The following DAB2 variants were observed in gnomAD, a reference collection of about 807,000 sequenced individuals.
DAB2 encodes disabled homolog 2.
DAB2 carries 28 observed loss-of-function variants against 71.6 expected under a neutral mutation model. The ratio of observed to expected loss-of-function variants is 0.39; its 90% confidence interval spans 0.29 to 0.54. The LOEUF is 0.54. Among genes scored for constraint, DAB2 ranks in the 20% least tolerant of loss-of-function variants. The probability of loss-of-function intolerance (pLI) is 0.68; values close to 1 mark genes in which losing one functional copy is unlikely to be tolerated. For missense variants in DAB2, 867 were observed against 928.8 expected (o/e 0.93, Z 0.86); for synonymous variants, 345 against 339.7 (o/e 1.02, Z -0.17).
chr5:39,375,197 C>T, intron 13 of DAB2, 113 bp from the exon 14 acceptor site: 1 of 716,072 alleles, frequency 1.4e-6, no homozygotes, highest in Admixed American at 2.5e-5. Flanking sequence ...GGCCAATCAG[C>T]CAATCAAACA....
chr5:39,378,587 C>T (rs368856103), intron 11 of DAB2, among the ~76,000 whole-genome samples: 1 of 152,194 alleles, frequency 6.6e-6, no homozygotes, highest in Non-Finnish European at 1.5e-5. Flanking sequence ...TGCATGCTGG[C>T]CATCTGGCCA....
At chr5:39,418,592 A>G (rs1421185996) in intron 1 of DAB2, among the ~76,000 whole-genome samples, 1 of 152,188 alleles carries the variant, frequency 6.6e-6, no homozygotes, top group Non-Finnish European at 1.5e-5. Flanking sequence ...CCCTGCTCAG[A>G]TGAGGTTTAA....
At chr5:39,418,386 AT>A (rs1561382187) in intron 1 of DAB2, 1 of 152,248 alleles carries the variant, frequency 6.6e-6, no homozygotes, top group African/African-American at 2.4e-5. Flanking sequence ...TGTATTACAT[AT>A]TACAGAAAAC....
At chr5:39,374,949 T>C (rs1187294727) in intron 14 of DAB2, 65 bp downstream of exon 14, 1 of 1,026,970 alleles carries the variant, frequency 9.7e-7, no homozygotes, top group African/African-American at 1.6e-5. Context: ...AATTTCACTC[T>C]TTATTCCATG....
At chr5:39,410,992 A>G (rs1251405777) in intron 1 of DAB2, among the ~76,000 whole-genome samples, 1 of 152,146 alleles carries the variant, frequency 6.6e-6, no homozygotes, top group Admixed American at 6.5e-5. Flanking sequence ...AATCTGACTT[A>G]ACACTGGGAG....
Position 39,375,076 on chromosome 5 carries a change from A to G in DAB2, c.2256T>C (p.Ser752=). The change falls in exon 14 of 15, where the codon TCT becomes TCC. Residue 752 remains serine (S), a synonymous_variant. Transcript: ENST00000320816. Reference sequence around the variant, plus strand: ...ACATCTCAGAAGATACAGGTTGAGAAGAAGCCACCTAAGAAGATAAAATCA... The same window carrying G: ...ACATCTCAGAAGATACAGGTTGAGAGGAAGCCACCTAAGAAGATAAAATCA... ...SFGSSQASVA[S]SQPVSSEMYR... 6.2e-7 allele frequency: 1 copy of G among 1,609,880 alleles called. No homozygotes were observed. Among genetic ancestry groups the G allele is most frequent in the Non-Finnish European group, 8.5e-7 (1 of 1,177,246 alleles).
In DAB2 at chr5:39,376,989, G is replaced by GA; in HGVS notation, c.1797dup (p.Pro600SerfsTer36). The GA allele has an allele frequency of 6.2e-7, 1 of 1,614,066 alleles. No individual in the cohort carries two copies. The highest frequency in any genetic ancestry group is 8.5e-7 in the Non-Finnish European group (1 of 1,180,002). On this transcript the variant is annotated frameshift_variant, in exon 12 of 15. Transcript: ENST00000320816. LOFTEE classifies it high-confidence loss of function. ...GGCTGAGTGGACACAGCAGGAGCTGGAAAAATATTGCTCTGAAAAGGATTC... is the reference window on the plus strand; with the variant it reads ...GGCTGAGTGGACACAGCAGGAGCTGGAAAAAATATTGCTCTGAAAAGGATTC...
intron 10 of DAB2, among the ~76,000 whole-genome samples, chr5:39,382,414 G>C (rs1350648633): frequency 6.6e-6 from 1 of 152,192 alleles, no homozygotes; most frequent in Admixed American, 6.5e-5. Flanking sequence ...ACGGAAAGCA[G>C]GGTGTGAAAA....
At chr5:39,398,266 G>A (rs79634545) in intron 1 of DAB2, among the ~76,000 whole-genome samples, 4,193 of 152,270 alleles carry the variant, frequency 0.028, 89 homozygotes, top group South Asian at 0.086. Context: ...AGTAACACAA[G>A]ACGTAGCTGA....
intron 1 of DAB2, among the ~76,000 whole-genome samples, chr5:39,395,327 G>A (rs16868778): frequency 0.069 from 10,572 of 152,198 alleles, 572 homozygotes; most frequent in African/African-American, 0.15. Context: ...TTTTGTAATC[G>A]TGTTAAGACA....
In DAB2 at chr5:39,383,125, A is replaced by C. The variant is rs752934738; in HGVS notation, c.834T>G (p.Asn278Lys). The C allele has an allele frequency of 6.2e-7, 1 of 1,614,146 alleles. No individual in the cohort carries two copies. Among genetic ancestry groups the C allele is most frequent in the African/African-American group, 1.3e-5 (1 of 75,022 alleles). ...PTPQASFLPE[N>K]AFSANLNFFP... ...AGAAGTTGAGATTGGCAGAAAAGGC[A>C]TTTTCAGGCAAGAAGGATGCCTGAG... is the stretch of plus-strand genomic sequence containing the variant. The change falls in exon 10 of 15, where the codon AAT becomes AAG. Residue 278 changes from asparagine (N) to lysine (K), a missense_variant. Transcript: ENST00000320816.
At chr5:39,401,985 C>T (rs367965140) in intron 1 of DAB2, among the ~76,000 whole-genome samples, 2 of 152,026 alleles carry the variant, frequency 1.3e-5, no homozygotes, top group South Asian at 2.1e-4. Flanking sequence ...CACAGTTCCA[C>T]GTAGCTGGGG....
intron 1 of DAB2, among the ~76,000 whole-genome samples, chr5:39,420,134 T>C (rs1755946651): frequency 6.6e-6 from 1 of 152,228 alleles, no homozygotes; most frequent in African/African-American, 2.4e-5. Flanking sequence ...GAATCAGCTC[T>C]GAGAACTATT....
At chr5:39,392,485 G>C in intron 3 of DAB2, 22 bp from the exon 4 acceptor site, 1 of 1,566,810 alleles carries the variant, frequency 6.4e-7, no homozygotes, top group Non-Finnish European at 8.8e-7. Context: ...GGAAAAACAA[G>C]AGAAGTTGAA....
chr5:39,410,008 A>G (rs1347962447), intron 1 of DAB2, among the ~76,000 whole-genome samples: 1 of 152,180 alleles, frequency 6.6e-6, no homozygotes, highest in East Asian at 1.9e-4. Context: ...CAGATTTCAG[A>G]AAGTTTATTC....
intron 1 of DAB2, among the ~76,000 whole-genome samples, chr5:39,407,058 G>A (rs780759762): frequency 3.9e-5 from 6 of 152,232 alleles, no homozygotes; most frequent in East Asian, 3.9e-4. Context: ...CAGAGGCAAC[G>A]CACTCACACC....
At chr5:39,411,333 G>C (rs1008530085) in intron 1 of DAB2, among the ~76,000 whole-genome samples, 3 of 152,156 alleles carry the variant, frequency 2.0e-5, no homozygotes, top group Non-Finnish European at 4.4e-5. Context: ...TGTTTCATTA[G>C]CTTTTATTTT....
rs1755139433 is a variant in DAB2, at chr5:39,388,078, T to C, written c.687+227A>G. The C allele has an allele frequency of 2.0e-5, 9 of 460,262 alleles. No individual in the cohort carries two copies. The South Asian group carries it at 2.1e-4, about 11-fold the overall frequency. 28.5% of individuals were successfully genotyped at this position (460,262 alleles called of 1,614,324 possible). On this transcript the variant is annotated intron_variant, in intron 9 of 14. Transcript: ENST00000320816. ...CAAGAAGGACTACATTGCTGACTTA[T>C]TGTTCAGGTTTAATCTGTAAGCAAT...
intron 1 of DAB2, among the ~76,000 whole-genome samples, chr5:39,399,070 G>A (rs1755441422): frequency 6.6e-6 from 1 of 152,120 alleles, no homozygotes; most frequent in East Asian, 1.9e-4. Context: ...CCAAACTGGG[G>A]CTCTGTTGAA....
Sources: allele counts gnomAD v4.1 joint callset (sites outside exome capture counted in the v4.1 genomes callset), GRCh38; gene constraint gnomAD v4.1.1; transcripts MANE v1.5; gene names NCBI Gene and HGNC (gene_info 2026-07-23, HGNC 2026-07-21).